The following PCDHA2 variants were observed in gnomAD, a reference collection of about 807,000 sequenced individuals.
PCDHA2 encodes protocadherin alpha 2.
PCDHA2 carries 58 observed loss-of-function variants against 66.0 expected under a neutral mutation model. The ratio of observed to expected loss-of-function variants is 0.88; its 90% confidence interval spans 0.71 to 1.09. The LOEUF (loss-of-function observed/expected upper bound fraction) is 1.09. Among genes scored for constraint, PCDHA2 ranks in the 50% least tolerant of loss-of-function variants. The pLI is 0.00. For missense variants in PCDHA2, 1,267 were observed against 1,242.3 expected, an observed-to-expected ratio of 1.02 and a Z score of -0.30; for synonymous variants, 634 against 554.0, an observed-to-expected ratio of 1.14 and a Z score of -2.03.
Position 140,973,027 on chromosome 5 carries a change from T to C in PCDHA2, c.2389-5922T>C, listed in dbSNP as rs373487044. On this transcript the variant is annotated intron_variant, in intron 1 of 3. Coordinates refer to ENST00000526136, the MANE Select transcript of PCDHA2 (RefSeq NM_018905.3). ...TCGTGGTGTTGTGATTGTTAATGAG[T>C]CACTTTGAGTACTCTAGTAGATTTG... Among the ~76,000 whole-genome samples the C allele has an allele frequency of 2.6e-5, 4 of 152,042 alleles. No individual in the cohort carries two copies. The East Asian group carries it at 5.8e-4, about 22-fold the overall frequency.
chr5:140,858,279 G>C, intron 1 of PCDHA2: 1 of 1,597,396 alleles, frequency 6.3e-7, no homozygotes, highest in Non-Finnish European at 8.6e-7. Context: ...AGCGCGGTGG[G>C]GAGCTGGTCT....
chr5:140,848,483 C>CT, intron 1 of PCDHA2: 1 of 1,570,026 alleles, frequency 6.4e-7, no homozygotes. Flanking sequence ...TAGAAGAAGA[C>CT]TGAGTATTTG....
At chr5:140,951,170 A>G (rs62384503) in intron 1 of PCDHA2, among the ~76,000 whole-genome samples, 5,911 of 151,952 alleles carry the variant, frequency 0.039, 176 homozygotes, top group Non-Finnish European at 0.057. Flanking sequence ...TAGCTACTTT[A>G]AAGTCATTGT....
intron 1 of PCDHA2, chr5:140,836,394 G>T (rs2150259652): frequency 6.2e-7 from 1 of 1,613,796 alleles, no homozygotes; most frequent in East Asian, 2.2e-5. Context: ...GTCGCTGGTG[G>T]AAAGCGGCCA....
At chr5:140,877,207 G>C in intron 1 of PCDHA2, 3 of 1,613,796 alleles carry the variant, frequency 1.9e-6, no homozygotes, top group Non-Finnish European at 2.5e-6. Context: ...CGCAGTTAGC[G>C]AGTTGGTACC....
At chr5:140,964,584 A>G (rs1347418719) in intron 1 of PCDHA2, among the ~76,000 whole-genome samples, 2 of 152,132 alleles carry the variant, frequency 1.3e-5, no homozygotes, top group African/African-American at 4.8e-5. Context: ...GGGAGGAAAG[A>G]TCACTTTTCA....
At chr5:140,995,390 C>A (rs1198231096) in intron 3 of PCDHA2, among the ~76,000 whole-genome samples, 1 of 152,088 alleles carries the variant, frequency 6.6e-6, no homozygotes, top group Non-Finnish European at 1.5e-5. Flanking sequence ...CAGGATAAAG[C>A]GGGATGGCTC....
intron 1 of PCDHA2, chr5:140,829,803 G>A: frequency 6.2e-7 from 1 of 1,613,884 alleles, no homozygotes; most frequent in Non-Finnish European, 8.5e-7. Flanking sequence ...CCTCGGGTGG[G>A]TGGTACTGGT....
intron 1 of PCDHA2, among the ~76,000 whole-genome samples, chr5:140,838,952 A>G (rs1270544728): frequency 6.6e-6 from 1 of 152,048 alleles, no homozygotes; most frequent in Non-Finnish European, 1.5e-5. Flanking sequence ...ATAAAATAAA[A>G]TAAAAACCCA....
intron 1 of PCDHA2, chr5:140,825,614 G>A (rs1415986913): frequency 6.6e-6 from 1 of 151,662 alleles, no homozygotes; most frequent in Non-Finnish European, 1.5e-5. Flanking sequence ...TAGAGACGGG[G>A]TTTCACCATG....
intron 1 of PCDHA2, chr5:140,843,553 G>C (rs1275122592): frequency 1.3e-6 from 2 of 1,595,812 alleles, no homozygotes; most frequent in Non-Finnish European, 1.7e-6. Flanking sequence ...GCTCCAGTGC[G>C]GTGGGGAGCT....
At chr5:140,905,669 A>T (rs781948009) in intron 1 of PCDHA2, among the ~76,000 whole-genome samples, 1 of 152,228 alleles carries the variant, frequency 6.6e-6, no homozygotes, top group Non-Finnish European at 1.5e-5. Flanking sequence ...ATCCATTAAC[A>T]TGGAACATAT....
chr5:140,871,358 A>T, intron 1 of PCDHA2: 6 of 1,614,208 alleles, frequency 3.7e-6, no homozygotes, highest in Non-Finnish European at 5.1e-6. Context: ...TACTCGCAGC[A>T]GAGGCGGCAG....
At chr5:140,948,273 T>A (rs1563231021) in intron 1 of PCDHA2, among the ~76,000 whole-genome samples, 1 of 151,602 alleles carries the variant, frequency 6.6e-6, no homozygotes, top group South Asian at 2.1e-4. Context: ...ATGTAGAATA[T>A]CTGTAAATAA....
intron 1 of PCDHA2, chr5:140,809,670 A>G (rs1387118800): frequency 6.9e-7 from 1 of 1,443,610 alleles, no homozygotes; most frequent in Non-Finnish European, 9.3e-7. Flanking sequence ...CCTGGGTTAA[A>G]ATTTTACCTC....
chr5:140,888,755 T>C (rs1290458155), intron 1 of PCDHA2, among the ~76,000 whole-genome samples: 1 of 146,364 alleles, frequency 6.8e-6, no homozygotes, highest in African/African-American at 2.5e-5. Flanking sequence ...TTCTACCCAC[T>C]TTTTTTTTTA....
At chr5:140,830,240 C>T (rs2150183319) in intron 1 of PCDHA2, 2 of 1,613,944 alleles carry the variant, frequency 1.2e-6, no homozygotes, top group Non-Finnish European at 1.7e-6. Flanking sequence ...CACGCTACTG[C>T]TGTACACAGC....
chr5:140,839,383 G>C (rs200307004), intron 1 of PCDHA2, among the ~76,000 whole-genome samples: 4 of 150 alleles, frequency 0.027, no homozygotes, highest in Non-Finnish European at 0.042. Flanking sequence ...CAATTATTAT[G>C]ATGATGATGA....
chr5:140,980,275 C>G (rs1288435032), intron 2 of PCDHA2, among the ~76,000 whole-genome samples: 1 of 152,196 alleles, frequency 6.6e-6, no homozygotes. Flanking sequence ...AGTACCAACT[C>G]TTGAAAAGTA....
Sources: allele counts gnomAD v4.1 joint callset (sites outside exome capture counted in the v4.1 genomes callset), GRCh38; gene constraint gnomAD v4.1.1; transcripts MANE v1.5; gene names NCBI Gene and HGNC (gene_info 2026-07-23, HGNC 2026-07-21).